The following SUZ12 variants were observed in gnomAD, a reference collection of about 807,000 sequenced individuals.
The protein encoded by SUZ12 is polycomb protein SUZ12.
SUZ12 carries 17 observed loss-of-function variants against 87.3 expected under a neutral mutation model. That is an observed-to-expected ratio of 0.19 (90% CI 0.13 to 0.29). SUZ12 has a LOEUF of 0.29. SUZ12 is among the 10% of genes least tolerant of loss of function. SUZ12 has a pLI of 1.00. For missense variants in SUZ12, 526 were observed against 912.2 expected, an observed-to-expected ratio of 0.58 and a Z score of 5.45; for synonymous variants, 253 against 312.4, an observed-to-expected ratio of 0.81 and a Z score of 2.01.
At chr17:31,963,476 G>C (rs77156439) in intron 4 of SUZ12, among the ~76,000 whole-genome samples, 24,538 of 145,368 alleles carry the variant, frequency 0.17, no homozygotes, top group African/African-American at 0.31. Context: ...AAGTTGTGGT[G>C]GTGGTTCTTA....
intron 4 of SUZ12, among the ~76,000 whole-genome samples, chr17:31,962,275 G>GAA (rs555707802): frequency 6.7e-6 from 1 of 149,596 alleles, no homozygotes; most frequent in African/African-American, 2.4e-5. Flanking sequence ...GTCTCTAAAA[G>GAA]AAAAAAAAAA....
chr17:31,997,666 C>CAAAAAAAAAAAA (rs892389046), intron 15 of SUZ12, among the ~76,000 whole-genome samples: 9 of 70,422 alleles, frequency 1.3e-4, no homozygotes, highest in African/African-American at 3.4e-4. Flanking sequence ...ACCCTATCTC[C>CAAAAAAAAAAAA]AAAAAAAAAA....
chr17:31,940,969 C>T (rs550028313), intron 3 of SUZ12, among the ~76,000 whole-genome samples: 3 of 151,096 alleles, frequency 2.0e-5, no homozygotes, highest in Middle Eastern at 3.4e-3. Context: ...GAGATTGCGC[C>T]GTTGCACTCC....
chr17:31,944,582 T>TA (rs879416229), intron 3 of SUZ12, among the ~76,000 whole-genome samples: 105 of 145,738 alleles, frequency 7.2e-4, no homozygotes, highest in African/African-American at 2.1e-3. Flanking sequence ...CCCTTTAGGT[T>TA]AAAAAAAAAA....
intron 9 of SUZ12, among the ~76,000 whole-genome samples, chr17:31,984,147 C>T (rs1237317614): frequency 6.6e-6 from 1 of 152,012 alleles, no homozygotes; most frequent in African/African-American, 2.4e-5. Flanking sequence ...GTAGTACATA[C>T]CATAAAGTTA....
intron 13 of SUZ12, 97 bp downstream of exon 13, chr17:31,994,818 G>T: frequency 7.5e-7 from 1 of 1,342,108 alleles, no homozygotes. Flanking sequence ...TCGTTAGGTG[G>T]AAATTATTAT....
chr17:31,988,591 A>C, intron 10 of SUZ12, 94 bp downstream of exon 10: 1 of 1,209,778 alleles, frequency 8.3e-7, no homozygotes, highest in Non-Finnish European at 1.1e-6. Flanking sequence ...GCTTTATGTG[A>C]TTCTTCTTTT....
chr17:31,982,167 G>A (rs1909148708), intron 8 of SUZ12, among the ~76,000 whole-genome samples: 1 of 152,190 alleles, frequency 6.6e-6, no homozygotes, highest in South Asian at 2.1e-4. Context: ...ATTCCATGAA[G>A]TGTTTATTGA....
intron 6 of SUZ12, among the ~76,000 whole-genome samples, chr17:31,974,412 A>G (rs1908620029): frequency 6.6e-6 from 1 of 152,160 alleles, no homozygotes; most frequent in African/African-American, 2.4e-5. Context: ...CTGTAGTGCC[A>G]GCTACTCAGG....
intron 10 of SUZ12, among the ~76,000 whole-genome samples, chr17:31,991,499 C>T (rs1175040941): frequency 4.0e-5 from 6 of 151,874 alleles, no homozygotes; most frequent in Non-Finnish European, 7.3e-5. Context: ...AAGTTCTATA[C>T]AAATTATACC....
chr17:31,966,278 T>C, intron 5 of SUZ12, 82 bp downstream of exon 5: 1 of 1,142,380 alleles, frequency 8.8e-7, no homozygotes, highest in Non-Finnish European at 1.3e-6. Context: ...CTTCTGAGTG[T>C]AAATTTATAA....
intron 1 of SUZ12, among the ~76,000 whole-genome samples, chr17:31,938,988 A>T (rs1906107925): frequency 6.6e-6 from 1 of 152,226 alleles, no homozygotes. Context: ...ATACTGCTGT[A>T]TAATGACCTA....
chr17:31,947,197 A>G (rs550525304), intron 3 of SUZ12, among the ~76,000 whole-genome samples: 29 of 152,332 alleles, frequency 1.9e-4, no homozygotes, highest in Non-Finnish European at 2.9e-4. Context: ...ATAAGGCACT[A>G]TGCCAGCACT....
rs760864590 is a variant in SUZ12, at chr17:31,999,018, A to G, written c.*15A>G. The stretch of plus-strand genomic sequence containing the variant: ...AAAAACTCTGAAAAGCTCTAACCCC[A>G]TGTTATGGACAAACACTGAAATTAC... On this transcript the variant is annotated 3_prime_UTR_variant, in exon 16 of 16. Transcript: ENST00000322652. 8.6e-6 allele frequency: 13 copies of G among 1,509,796 alleles called. No individual in the cohort carries two copies. In the South Asian group the frequency reaches 1.7e-4, roughly 19 times the overall value. The allele number at this position is 1,509,796 out of a possible 1,614,324, so 93.5% of individuals were successfully genotyped here.
chr17:31,997,408 A>G (rs1037713599), intron 15 of SUZ12, among the ~76,000 whole-genome samples: 16 of 152,156 alleles, frequency 1.1e-4, no homozygotes, highest in African/African-American at 3.4e-4. Context: ...CATGCCTGTA[A>G]TCCCAGTACT....
At chr17:31,948,840 G>A (rs182188974) in intron 4 of SUZ12, among the ~76,000 whole-genome samples, 1 of 152,280 alleles carries the variant, frequency 6.6e-6, no homozygotes, top group African/African-American at 2.4e-5. Context: ...TGCCCAGGGA[G>A]ACCCTATAAG....
At chr17:31,979,103 CAAAAAAAAAA>C (rs61307349) in intron 8 of SUZ12, among the ~76,000 whole-genome samples, 9 of 65,252 alleles carry the variant, frequency 1.4e-4, no homozygotes, top group South Asian at 7.5e-4. Context: ...ACTGTGTCTC[CAAAAAAAAAA>C]AAAAAAAAAA....
intron 14 of SUZ12, 48 bp from the exon 15 acceptor site, chr17:31,996,750 T>G: frequency 7.5e-7 from 1 of 1,339,886 alleles, no homozygotes; most frequent in African/African-American, 1.5e-5. Flanking sequence ...TCTCACAAGT[T>G]TTTCTTAAAA....
chr17:31,998,316 C>T (rs564194773), intron 15 of SUZ12, among the ~76,000 whole-genome samples: 13 of 152,056 alleles, frequency 8.5e-5, no homozygotes, highest in South Asian at 2.1e-4. Flanking sequence ...CCTGATCTTG[C>T]GATCCACCCA....
Sources: gnomAD v4.1 joint callset for allele counts (sites outside exome capture counted in the v4.1 genomes callset) on GRCh38, gnomAD v4.1.1 for gene constraint, MANE v1.5 for transcripts, NCBI Gene and HGNC (gene_info 2026-07-23, HGNC 2026-07-21) for gene names.